The following MAD1L1 variants were observed in gnomAD, a reference collection of about 807,000 sequenced individuals.
MAD1L1 encodes mitotic spindle assembly checkpoint protein MAD1.
Under a neutral mutation model 96.9 loss-of-function variants are expected in MAD1L1, and 95 were observed. That is an observed-to-expected ratio of 0.98 (90% CI 0.83 to 1.16). The LOEUF (loss-of-function observed/expected upper bound fraction) is 1.16. Ranked by LOEUF, MAD1L1 falls within the 50% of genes most tolerant of loss-of-function variation. The pLI is 0.00. For missense variants in MAD1L1, 1,007 were observed against 954.4 expected (o/e 1.06, Z -0.73); for synonymous variants, 473 against 396.6 (o/e 1.19, Z -2.29).
At chr7:2,089,702 A>C (rs1786110070) in intron 11 of MAD1L1, among the ~76,000 whole-genome samples, 1 of 150,898 alleles carries the variant, frequency 6.6e-6, no homozygotes, top group Admixed American at 6.6e-5. Context: ...CATCGTGTTT[A>C]ATCACACTTC....
chr7:2,203,309 C>T (rs541564839), intron 10 of MAD1L1, among the ~76,000 whole-genome samples: 2 of 152,252 alleles, frequency 1.3e-5, no homozygotes, highest in Admixed American at 6.5e-5. Flanking sequence ...AAAGCCAAGC[C>T]TTTGAAGATG....
chr7:2,095,298 C>T (rs1037442867), intron 11 of MAD1L1, among the ~76,000 whole-genome samples: 1 of 152,178 alleles, frequency 6.6e-6, no homozygotes, highest in Admixed American at 6.5e-5. Flanking sequence ...CCCGCCTCGG[C>T]CTCCCAAAGT....
intron 12 of MAD1L1, among the ~76,000 whole-genome samples, chr7:2,043,105 G>A (rs75461511): frequency 0.033 from 5,069 of 152,248 alleles, 246 homozygotes; most frequent in African/African-American, 0.11. Context: ...ATATTTCCAC[G>A]CAGAATGCAT....
intron 12 of MAD1L1, among the ~76,000 whole-genome samples, chr7:2,068,585 A>C (rs1307625451): frequency 6.6e-6 from 1 of 152,200 alleles, no homozygotes; most frequent in Non-Finnish European, 1.5e-5. Context: ...TGGCCCAGAG[A>C]GCATCTGGGG....
At chr7:2,164,852 T>A (rs1000642294) in intron 10 of MAD1L1, among the ~76,000 whole-genome samples, 19 of 151,938 alleles carry the variant, frequency 1.3e-4, no homozygotes, top group African/African-American at 4.6e-4. Flanking sequence ...AGGCCGACCA[T>A]GACAAGAGTG....
intron 14 of MAD1L1, among the ~76,000 whole-genome samples, chr7:1,993,792 G>A (rs1191901124): frequency 2.0e-5 from 3 of 152,192 alleles, no homozygotes; most frequent in African/African-American, 7.2e-5. Flanking sequence ...TCCTCACACT[G>A]GGAAAGGGGA....
intron 11 of MAD1L1, among the ~76,000 whole-genome samples, chr7:2,101,604 G>A (rs4719436): frequency 0.31 from 44,833 of 146,934 alleles, 8,566 homozygotes; most frequent in East Asian, 0.51. Context: ...GGTGCCTGGC[G>A]TGAGACTGGG....
At chr7:1,878,077 G>C in intron 18 of MAD1L1, among the ~76,000 whole-genome samples, 1 of 152,044 alleles carries the variant, frequency 6.6e-6, no homozygotes, top group African/African-American at 2.4e-5. Flanking sequence ...AAATTTGACA[G>C]TATACACAAA....
intron 18 of MAD1L1, among the ~76,000 whole-genome samples, chr7:1,817,283 AGCT>A (rs1313813267): frequency 6.6e-6 from 1 of 152,062 alleles, no homozygotes; most frequent in Non-Finnish European, 1.5e-5. Context: ...CTCCTCAAAG[AGCT>A]GGACGCAGAG....
At chr7:1,978,331 G>A (rs1780739778) in intron 15 of MAD1L1, among the ~76,000 whole-genome samples, 1 of 152,210 alleles carries the variant, frequency 6.6e-6, no homozygotes, top group African/African-American at 2.4e-5. Context: ...CCCCAGGTGG[G>A]GCTGCTCTTG....
intron 10 of MAD1L1, among the ~76,000 whole-genome samples, chr7:2,182,778 G>C (rs1791263228): frequency 6.6e-6 from 1 of 152,200 alleles, no homozygotes; most frequent in African/African-American, 2.4e-5. Context: ...AAAGAGCAGA[G>C]GAGTGACTGC....
chr7:1,941,191 A>G (rs1332049277), intron 16 of MAD1L1, among the ~76,000 whole-genome samples: 1 of 152,134 alleles, frequency 6.6e-6, no homozygotes. Flanking sequence ...CTGGCGTTGG[A>G]CCCAGCAGTG....
chr7:2,065,277 C>G (rs936643142), intron 12 of MAD1L1, among the ~76,000 whole-genome samples: 34 of 152,158 alleles, frequency 2.2e-4, no homozygotes, highest in African/African-American at 7.7e-4. Flanking sequence ...TAAACTGCAC[C>G]CAGCGAATAC....
At chr7:2,180,418 C>T (rs1637759) in intron 10 of MAD1L1, among the ~76,000 whole-genome samples, 101,340 of 152,162 alleles carry the variant, frequency 0.67, 35,159 homozygotes, top group African/African-American at 0.85. Context: ...TAAGACCGAG[C>T]ATCTAGCCTA....
chr7:2,123,388 G>A (rs55831995), intron 11 of MAD1L1, among the ~76,000 whole-genome samples: 4,002 of 152,200 alleles, frequency 0.026, 93 homozygotes, highest in South Asian at 0.068. Context: ...GAGACATTGC[G>A]GGAGGGCTCC....
At chr7:1,906,961 G>A (rs894438615) in intron 17 of MAD1L1, among the ~76,000 whole-genome samples, 7 of 152,168 alleles carry the variant, frequency 4.6e-5, no homozygotes, top group Non-Finnish European at 1.0e-4. Context: ...GCCTTCCCAT[G>A]GCCTCAGATG....
At chr7:2,075,979 G>A (rs1283709679) in intron 11 of MAD1L1, among the ~76,000 whole-genome samples, 1 of 152,212 alleles carries the variant, frequency 6.6e-6, no homozygotes, top group African/African-American at 2.4e-5. Context: ...AGCCCACGGC[G>A]TGGCCACCGC....
intron 18 of MAD1L1, among the ~76,000 whole-genome samples, chr7:1,821,921 G>A (rs1036740295): frequency 3.3e-5 from 5 of 152,138 alleles, no homozygotes; most frequent in Admixed American, 1.3e-4. Context: ...CCTCACGCCA[G>A]GGCATGCAGG....
Position 2,216,228 on chromosome 7 carries a change from C to G in MAD1L1, c.738G>C (p.Lys246Asn). The G allele has an allele frequency of 8.7e-6, 14 of 1,614,200 alleles. No individual in the cohort carries two copies. The highest frequency in any genetic ancestry group is 1.2e-5 in the Non-Finnish European group (14 of 1,180,050). Reference protein sequence around the residue: ...EQDAAIVKNMKSELVRLPRLE... With the variant: ...EQDAAIVKNMNSELVRLPRLE... ...GCCTAGGGAGCCGTACCAGCTCAGA[C>G]TTCATGTTCTTCACAATCGCTGCAT... Residue 246 changes from lysine to asparagine, a missense_variant, in exon 8 of 19, where the codon AAG becomes AAC. Physicochemically the swap from Lys to Asn is moderately conservative, Grantham distance 94. Coordinates refer to ENST00000265854, the MANE Select transcript of MAD1L1 (RefSeq NM_001013836.2).
Sources: gnomAD v4.1 joint callset for allele counts (sites outside exome capture counted in the v4.1 genomes callset) on GRCh38, gnomAD v4.1.1 for gene constraint, MANE v1.5 for transcripts, NCBI Gene and HGNC (gene_info 2026-07-23, HGNC 2026-07-21) for gene names.